PRKG1: variants seen among roughly 807,000 people sequenced by gnomAD.
PRKG1 encodes protein kinase cGMP-dependent 1.
In PRKG1, 35 loss-of-function variants were observed where a neutral mutation model predicts 88.1. That is an observed-to-expected ratio of 0.40 (90% CI 0.30 to 0.53). The LOEUF is 0.53. Among genes scored for constraint, PRKG1 ranks in the 20% least tolerant of loss-of-function variants. The pLI is 0.59. For synonymous variants in PRKG1, 303 were observed against 292.5 expected (o/e 1.04, Z -0.37); for missense variants, 540 against 839.8 (o/e 0.64, Z 4.41).
chr10:51,387,164 G>A (rs894295072), intron 2 of PRKG1, among the ~76,000 whole-genome samples: 1 of 151,918 alleles, frequency 6.6e-6, no homozygotes, highest in African/African-American at 2.4e-5. Context: ...CTAATAAGTG[G>A]CTGAACAAGA....
At chr10:51,114,153 C>G (rs1056893022) in intron 1 of PRKG1, among the ~76,000 whole-genome samples, 3 of 152,090 alleles carry the variant, frequency 2.0e-5, no homozygotes, top group Admixed American at 6.6e-5. Flanking sequence ...AGATTATACT[C>G]TAGTCAAACT....
chr10:51,123,484 G>A (rs921207943), intron 1 of PRKG1, among the ~76,000 whole-genome samples: 14 of 152,026 alleles, frequency 9.2e-5, no homozygotes, highest in African/African-American at 3.4e-4. Context: ...TCAGGAGTTC[G>A]AAACCAGCCT....
intron 1 of PRKG1, among the ~76,000 whole-genome samples, chr10:51,081,209 T>C (rs891008209): frequency 6.6e-6 from 1 of 151,810 alleles, no homozygotes; most frequent in South Asian, 2.1e-4. Flanking sequence ...TTATAAGCAA[T>C]GAAAAAAGCT....
At chr10:51,504,910 T>G (rs1841149449) in intron 3 of PRKG1, among the ~76,000 whole-genome samples, 1 of 152,180 alleles carries the variant, frequency 6.6e-6, no homozygotes, top group Admixed American at 6.5e-5. Flanking sequence ...AATCATGTCA[T>G]CTGCAAACAG....
chr10:52,033,765 G>A (rs888032851), intron 5 of PRKG1, among the ~76,000 whole-genome samples: 3 of 152,096 alleles, frequency 2.0e-5, no homozygotes, highest in South Asian at 2.1e-4. Context: ...TTTCATGCAC[G>A]TCCGTGTGAA....
chr10:51,987,142 C>T (rs1271061139), intron 5 of PRKG1, among the ~76,000 whole-genome samples: 3 of 151,918 alleles, frequency 2.0e-5, no homozygotes, highest in Non-Finnish European at 4.4e-5. Context: ...TTAGAAGCAT[C>T]ATATTAAAAA....
At chr10:51,376,848 ATT>A (rs1053331360) in intron 2 of PRKG1, among the ~76,000 whole-genome samples, 1 of 151,282 alleles carries the variant, frequency 6.6e-6, no homozygotes, top group African/African-American at 2.4e-5. Context: ...CTAATTTTGT[ATT>A]TTTTTTAGTG....
intron 2 of PRKG1, among the ~76,000 whole-genome samples, chr10:51,200,136 C>G (rs971497859): frequency 6.6e-6 from 1 of 151,992 alleles, no homozygotes; most frequent in African/African-American, 2.4e-5. Context: ...GTGAAAAATA[C>G]GGGAAAAAGC....
chr10:51,205,127 CTTTTTTTTTTTTT>C (rs58176913), intron 2 of PRKG1, among the ~76,000 whole-genome samples: 106 of 64,012 alleles, frequency 1.7e-3, no homozygotes, highest in African/African-American at 5.5e-3. Context: ...ATTTTCTTTT[CTTTTTTTTTTTTT>C]TTTTTTTTTT....
intron 3 of PRKG1, among the ~76,000 whole-genome samples, chr10:51,587,968 C>T (rs1838214682): frequency 6.6e-6 from 1 of 152,112 alleles, no homozygotes; most frequent in Non-Finnish European, 1.5e-5. Flanking sequence ...CACTTTATTC[C>T]CTGGTGTATC....
intron 3 of PRKG1, chr10:51,696,837 C>G (rs868616577): frequency 6.6e-5 from 10 of 152,022 alleles, no homozygotes; most frequent in Non-Finnish European, 1.3e-4. Context: ...TCTAGATCAA[C>G]CAGTCCCTAG....
rs528144508 is a variant in PRKG1, at chr10:51,610,148, C to A, written c.592+142312C>A. ...GTATGTTTTGGGTATATTGCAAGCT[C>A]TCTCTTCTAGTTTTTTTAAAATGTA... On this transcript the variant is annotated intron_variant, in intron 3 of 17. Transcript: ENST00000373980. Among the ~76,000 whole-genome samples the A allele has an allele frequency of 7.2e-5, 11 of 152,246 alleles. No homozygotes were observed. In the South Asian group the frequency reaches 8.3e-4, roughly 11 times the overall value.
Position 52,257,308 on chromosome 10 carries a change from C to T in PRKG1, c.1173+5642C>T, listed in dbSNP as rs554860718. Among the ~76,000 whole-genome samples, 11 of 138,826 alleles carry T rather than the reference C, an allele frequency of 7.9e-5. 2 individuals carry two copies. The East Asian group carries it at 1.7e-3, about 21-fold the overall frequency. The allele number at this position is 138,826 out of a possible 152,430, so 91.1% of individuals were successfully genotyped here. A position where few individuals can be genotyped will look rare whatever the true frequency, so the allele number is the denominator to read the frequency against. Reference sequence around the variant, plus strand: ...GGCACTATAAAAACAAGCAAGCAGGCTTGGAGTGCTATGTAAACCAATTGA... The same window carrying T: ...GGCACTATAAAAACAAGCAAGCAGGTTTGGAGTGCTATGTAAACCAATTGA... On this transcript the variant is annotated intron_variant, in intron 10 of 17. Transcript: ENST00000373980.
intron 3 of PRKG1, among the ~76,000 whole-genome samples, chr10:51,483,137 C>T (rs1377663865): frequency 4.6e-5 from 7 of 151,502 alleles, no homozygotes; most frequent in Admixed American, 3.3e-4. Flanking sequence ...TCTTCCGCGT[C>T]AGCCTCCCGA....
At chr10:51,804,370 G>A (rs1175408917) in intron 3 of PRKG1, among the ~76,000 whole-genome samples, 1 of 152,042 alleles carries the variant, frequency 6.6e-6, no homozygotes, top group African/African-American at 2.4e-5. Context: ...ATAATAATGC[G>A]AGTATGGAAA....
At chr10:51,698,612 G>C in intron 3 of PRKG1, 4 of 1,613,948 alleles carry the variant, frequency 2.5e-6, no homozygotes, top group Non-Finnish European at 3.4e-6. Flanking sequence ...GCGAGGTATA[G>C]GAGCTCTAGG....
intron 2 of PRKG1, among the ~76,000 whole-genome samples, chr10:51,263,667 T>C (rs1839771384): frequency 6.6e-6 from 1 of 152,228 alleles, no homozygotes; most frequent in Non-Finnish European, 1.5e-5. Context: ...GTAACGTATA[T>C]GATAAAGTAG....
intron 2 of PRKG1, among the ~76,000 whole-genome samples, chr10:51,325,225 G>C (rs1267680401): frequency 6.6e-6 from 1 of 152,042 alleles, no homozygotes. Context: ...TAAATTTGAT[G>C]ATAATGATTT....
Position 52,271,273 on chromosome 10 carries a change from A to G in PRKG1, c.1174-77A>G. 4 of 1,471,024 alleles carry G rather than the reference A, an allele frequency of 2.7e-6. No homozygotes were observed. In the Admixed American group the frequency reaches 7.4e-5, roughly 27 times the overall value. The allele number at this position is 1,471,024 out of a possible 1,614,324, so 91.1% of individuals were successfully genotyped here. ...TGAGGTTCATTTAAGTGCGCCATGTACCTGTTAATTTGGGGATAATAATGC... is the reference window on the plus strand; with the variant it reads ...TGAGGTTCATTTAAGTGCGCCATGTGCCTGTTAATTTGGGGATAATAATGC... On this transcript the variant is annotated intron_variant, in intron 10 of 17. Coordinates refer to ENST00000373980, the MANE Select transcript of PRKG1 (RefSeq NM_006258.4).
Sources: gnomAD v4.1 joint callset for allele counts (sites outside exome capture counted in the v4.1 genomes callset) on GRCh38, gnomAD v4.1.1 for gene constraint, MANE v1.5 for transcripts, NCBI Gene and HGNC (gene_info 2026-07-23, HGNC 2026-07-21) for gene names.